CCDC85A: variants seen among roughly 807,000 people sequenced by gnomAD.
CCDC85A encodes the protein coiled-coil domain-containing protein 85A.
Under a neutral mutation model 50.2 loss-of-function variants are expected in CCDC85A, and 38 were observed. That is an observed-to-expected ratio of 0.76 (90% CI 0.58 to 0.99). CCDC85A has a LOEUF of 0.99. CCDC85A is among the 50% of genes least tolerant of loss of function. The pLI is 0.00. For missense variants in CCDC85A, 820 were observed against 742.0 expected (o/e 1.11, Z -1.22); for synonymous variants, 366 against 301.4 (o/e 1.21, Z -2.22).
chr2:56,270,219 A>C (rs1328590040), intron 2 of CCDC85A, among the ~76,000 whole-genome samples: 2 of 152,220 alleles, frequency 1.3e-5, no homozygotes, highest in Non-Finnish European at 2.9e-5. Flanking sequence ...AAATTGGCAA[A>C]ATTTCAGGAA....
intron 2 of CCDC85A, among the ~76,000 whole-genome samples, chr2:56,293,223 A>G (rs1286159573): frequency 3.9e-5 from 6 of 152,220 alleles, no homozygotes; most frequent in Non-Finnish European, 8.8e-5. Context: ...GAGAAAAGCC[A>G]AAGTTATACC....
chr2:56,254,381 C>T (rs891218752), intron 2 of CCDC85A, among the ~76,000 whole-genome samples: 1 of 151,508 alleles, frequency 6.6e-6, no homozygotes, highest in African/African-American at 2.4e-5. Context: ...AAATGTGGAC[C>T]CCATCCTGAA....
intron 2 of CCDC85A, among the ~76,000 whole-genome samples, chr2:56,282,221 G>T (rs545611887): frequency 4.7e-4 from 72 of 152,074 alleles, no homozygotes; most frequent in African/African-American, 1.7e-3. Context: ...AGATCAATTG[G>T]CCATATATGT....
intron 2 of CCDC85A, among the ~76,000 whole-genome samples, chr2:56,330,494 A>G (rs898283018): frequency 3.9e-5 from 6 of 152,194 alleles, no homozygotes; most frequent in African/African-American, 1.4e-4. Flanking sequence ...GAACAGAATG[A>G]TGAGGGCCTT....
chr2:56,240,538 C>G (rs745645993), intron 2 of CCDC85A, among the ~76,000 whole-genome samples: 8 of 152,088 alleles, frequency 5.3e-5, no homozygotes, highest in Non-Finnish European at 1.0e-4. Context: ...TTCAAAATGC[C>G]AAGAGCCTGG....
intron 2 of CCDC85A, among the ~76,000 whole-genome samples, chr2:56,314,005 G>A (rs1280670031): frequency 6.7e-6 from 1 of 150,274 alleles, no homozygotes; most frequent in Non-Finnish European, 1.5e-5. Flanking sequence ...GTTTTGGCTG[G>A]TGATCAGCCA....
At chr2:56,307,069 A>C (rs773721508) in intron 2 of CCDC85A, among the ~76,000 whole-genome samples, 2 of 152,136 alleles carry the variant, frequency 1.3e-5, no homozygotes, top group Non-Finnish European at 2.9e-5. Context: ...AAATTCAGGA[A>C]CTACAGCCCA....
At chr2:56,302,807 C>T (rs1035347404) in intron 2 of CCDC85A, among the ~76,000 whole-genome samples, 4 of 151,988 alleles carry the variant, frequency 2.6e-5, no homozygotes, top group East Asian at 1.9e-4. Flanking sequence ...CTTTTATTTC[C>T]GTCTCTGTAG....
chr2:56,290,884 C>G (rs372116836), intron 2 of CCDC85A, among the ~76,000 whole-genome samples: 1 of 152,082 alleles, frequency 6.6e-6, no homozygotes, highest in African/African-American at 2.4e-5. Flanking sequence ...TGGGTTAAAA[C>G]AAAGTCAGGT....
chr2:56,351,719 T>G (rs530902704), intron 3 of CCDC85A, among the ~76,000 whole-genome samples: 240 of 149,384 alleles, frequency 1.6e-3, no homozygotes, highest in African/African-American at 5.5e-3. Context: ...TTCTTGTCAA[T>G]TTGTTTGAGT....
intron 2 of CCDC85A, among the ~76,000 whole-genome samples, chr2:56,218,615 C>G (rs1414112412): frequency 6.6e-6 from 1 of 151,836 alleles, no homozygotes; most frequent in Non-Finnish European, 1.5e-5. Context: ...TACTTATTAC[C>G]TGGTCCATAT....
chr2:56,338,362 C>T (rs1367900606), intron 2 of CCDC85A, among the ~76,000 whole-genome samples: 3 of 152,130 alleles, frequency 2.0e-5, no homozygotes, highest in South Asian at 2.1e-4. Context: ...CTGAGTGTAC[C>T]GGGAGATCAC....
intron 2 of CCDC85A, among the ~76,000 whole-genome samples, chr2:56,288,899 C>T (rs1671574712): frequency 6.6e-6 from 1 of 152,144 alleles, no homozygotes; most frequent in African/African-American, 2.4e-5. Context: ...CTGCTCTCTG[C>T]AGTGAAGTGA....
At chr2:56,338,164 CA>C (rs1674174195) in intron 2 of CCDC85A, among the ~76,000 whole-genome samples, 3 of 152,106 alleles carry the variant, frequency 2.0e-5, no homozygotes, top group Admixed American at 2.0e-4. Flanking sequence ...GCCTCATTCT[CA>C]GAGTTCTAAA....
intron 1 of CCDC85A, among the ~76,000 whole-genome samples, chr2:56,187,788 A>C (rs1676116378): frequency 6.6e-6 from 1 of 152,140 alleles, no homozygotes; most frequent in Admixed American, 6.5e-5. Context: ...AGTTAGGGTT[A>C]TGTTGTAAGG....
chr2:56,322,402 A>C (rs930412014), intron 2 of CCDC85A, among the ~76,000 whole-genome samples: 3 of 152,214 alleles, frequency 2.0e-5, no homozygotes, highest in Non-Finnish European at 4.4e-5. Flanking sequence ...CATCTGACAA[A>C]GGGCTAGTAT....
At chr2:56,371,445 G>T (rs1442819137) in intron 3 of CCDC85A, among the ~76,000 whole-genome samples, 1 of 151,974 alleles carries the variant, frequency 6.6e-6, no homozygotes, top group Non-Finnish European at 1.5e-5. Context: ...GTCTTCTAAA[G>T]TCAACCTCAA....
At chr2:56,195,961 T>C (rs1676504154) in intron 2 of CCDC85A, among the ~76,000 whole-genome samples, 1 of 152,160 alleles carries the variant, frequency 6.6e-6, no homozygotes, top group African/African-American at 2.4e-5. Flanking sequence ...AACACACACA[T>C]ATGCACACTG....
chr2:56,382,842 T>C (rs1387602658), intron 5 of CCDC85A, among the ~76,000 whole-genome samples: 5 of 152,002 alleles, frequency 3.3e-5, no homozygotes, highest in Non-Finnish European at 7.4e-5. Context: ...GGTCCTTAAG[T>C]CTACCCTCTG....
Sources: allele counts gnomAD v4.1 joint callset (sites outside exome capture counted in the v4.1 genomes callset), GRCh38; gene constraint gnomAD v4.1.1; transcripts MANE v1.5; gene names NCBI Gene and HGNC (gene_info 2026-07-23, HGNC 2026-07-21).